CAMK2B: variants seen among roughly 807,000 people sequenced by gnomAD.
CAMK2B encodes calcium/calmodulin-dependent protein kinase type II subunit beta.
Under a neutral mutation model 93.7 loss-of-function variants are expected in CAMK2B, and 27 were observed. The observed-to-expected ratio is 0.29, with a 90% CI of 0.21 to 0.40. The LOEUF (loss-of-function observed/expected upper bound fraction) is 0.40, where lower values mean the gene tolerates loss of function less well. Ranked by LOEUF, CAMK2B falls within the 10% of genes least tolerant of loss-of-function variation. The pLI, the probability that CAMK2B is intolerant of heterozygous loss-of-function variation, is 1.00. For synonymous variants in CAMK2B, 374 were observed against 358.8 expected (o/e 1.04, Z -0.48); for missense variants, 568 against 895.8 (o/e 0.63, Z 4.67).
chr7:44,285,169 C>T (rs781021961), intron 1 of CAMK2B, among the ~76,000 whole-genome samples: 2 of 152,222 alleles, frequency 1.3e-5, no homozygotes, highest in Non-Finnish European at 2.9e-5. Flanking sequence ...GGGCCGGTGC[C>T]CACCAGGAGG....
intron 1 of CAMK2B, among the ~76,000 whole-genome samples, chr7:44,298,235 A>T (rs62459120): frequency 0.018 from 2,759 of 152,290 alleles, 34 homozygotes; most frequent in Non-Finnish European, 0.027. Flanking sequence ...CCCAGAAATA[A>T]ATTCTCCCAT....
intron 13 of CAMK2B, among the ~76,000 whole-genome samples, chr7:44,239,103 G>A (rs2096652159): frequency 6.6e-6 from 1 of 152,224 alleles, no homozygotes. Context: ...CTGGGGGGAT[G>A]CTCAGGGCAG....
chr7:44,301,966 T>A (rs1790177342), intron 1 of CAMK2B, among the ~76,000 whole-genome samples: 1 of 152,174 alleles, frequency 6.6e-6, no homozygotes, highest in South Asian at 2.1e-4. Flanking sequence ...CAACAGCTAG[T>A]TCTTTGAGAA....
intron 2 of CAMK2B, among the ~76,000 whole-genome samples, chr7:44,276,030 C>T (rs921140057): frequency 1.3e-5 from 2 of 152,118 alleles, no homozygotes; most frequent in Non-Finnish European, 2.9e-5. Context: ...TAAAGCTGTT[C>T]CCTCAGGCTG....
At chr7:44,299,611 A>G (rs1273828206) in intron 1 of CAMK2B, among the ~76,000 whole-genome samples, 3 of 152,248 alleles carry the variant, frequency 2.0e-5, no homozygotes, top group African/African-American at 7.2e-5. Flanking sequence ...CAAAATACAT[A>G]TAAGTGAACT....
rs1785010910 is a variant in CAMK2B, at chr7:44,286,089, C to G, written c.66-1864G>C. Among the ~76,000 whole-genome samples the G allele has an allele frequency of 6.6e-6, 1 of 152,060 alleles. No individual in the cohort carries two copies. The highest frequency in any genetic ancestry group is 2.4e-5 in the African/African-American group (1 of 41,402). ...CTTTTTGCCTGGTCTGGCTTCAATC[C>G]TGGTTAGACGGGGTGACACAGCTCT... On this transcript the variant is annotated intron_variant, in intron 1 of 23. Coordinates refer to ENST00000395749, the MANE Select transcript of CAMK2B (RefSeq NM_001220.5). This position sits in a 1 kb window ranked among gnomAD's most constrained non-coding sequence, Gnocchi z 4.0.
chr7:44,250,913 C>T (rs1340494064), intron 5 of CAMK2B, among the ~76,000 whole-genome samples: 3 of 152,296 alleles, frequency 2.0e-5, no homozygotes, highest in Admixed American at 1.3e-4. Context: ...ACATGGACAC[C>T]CTTCAGTTTC....
chr7:44,324,060 C>T (rs1197999495), intron 1 of CAMK2B: 1 of 153,240 alleles, frequency 6.5e-6, no homozygotes, highest in Non-Finnish European at 1.5e-5. Context: ...GGGCTGGGCT[C>T]CACATCCCTA....
chr7:44,291,191 C>T (rs1242354121), intron 1 of CAMK2B, among the ~76,000 whole-genome samples: 1 of 152,196 alleles, frequency 6.6e-6, no homozygotes, highest in Admixed American at 6.5e-5. Context: ...CCTCCCCAGC[C>T]TCTCTGGCCC....
At position 44,229,411 on chromosome 7, in the gene CAMK2B, G is replaced by A. The variant is rs754175758; in HGVS notation, c.1316C>T (p.Pro439Leu). 1.3e-6 allele frequency: 2 copies of A among 1,508,372 alleles called. No homozygotes were observed. Among genetic ancestry groups the A allele is most frequent in the South Asian group, 2.5e-5 (2 of 78,560 alleles). 93.4% of individuals were successfully genotyped at this position (1,508,372 alleles called of 1,614,324 possible). Reference sequence around the variant, plus strand: ...ACATGGGGCTGGCAGGGGGCTAAAGGGAGCCGGAGATGGGCAGGGCAGGGG... The same window carrying A: ...ACATGGGGCTGGCAGGGGGCTAAAGAGAGCCGGAGATGGGCAGGGCAGGGG... ...EGPLPCPSPA[P>L]FSPLPAPSPR... The change falls in exon 18 of 24, where the codon CCC (proline) becomes CTC (leucine). Residue 439 changes from proline (P) to leucine (L), a missense_variant. Pro to Leu is a moderately conservative substitution (Grantham distance 98). Transcript: ENST00000395749.
intron 8 of CAMK2B, 45 bp from the exon 9 acceptor site, chr7:44,242,699 AC>A: frequency 7.2e-7 from 1 of 1,381,014 alleles, no homozygotes; most frequent in South Asian, 1.2e-5. Flanking sequence ...GCAGGGTGCC[AC>A]CGTCCATGAA....
At position 44,228,353 on chromosome 7, in the gene CAMK2B, G is replaced by A. The variant is rs114314375; in HGVS notation, c.1468+443C>T. 3.2e-3 allele frequency among the ~76,000 whole-genome samples: 485 copies of A among 152,240 alleles called. 2 individuals are homozygous for A. Among genetic ancestry groups the A allele is most frequent in the African/African-American group, 0.011 (445 of 41,520 alleles). On this transcript the variant is annotated intron_variant, in intron 19 of 23. Coordinates refer to ENST00000395749, the MANE Select transcript of CAMK2B (RefSeq NM_001220.5). ...CTAGACTGAGGGAGGGTGCTCAGGGGTTGGGGCCACATCAGGAACCAGGGT... is the reference window on the plus strand; with the variant it reads ...CTAGACTGAGGGAGGGTGCTCAGGGATTGGGGCCACATCAGGAACCAGGGT...
chr7:44,287,361 C>A (rs974114051), intron 1 of CAMK2B, among the ~76,000 whole-genome samples: 1 of 152,154 alleles, frequency 6.6e-6, no homozygotes, highest in African/African-American at 2.4e-5. Flanking sequence ...TAAAGAGCAC[C>A]CTGAAAGGTG....
chr7:44,269,308 C>T (rs1248417292), intron 2 of CAMK2B, among the ~76,000 whole-genome samples: 1 of 152,218 alleles, frequency 6.6e-6, no homozygotes, highest in East Asian at 1.9e-4. Context: ...GTGGACAGCA[C>T]CCAGAGGCCA....
rs1163572646 is a variant in CAMK2B, at chr7:44,220,827, C to T, written c.1672G>A (p.Ala558Thr). ...CCCCCCCCAGCCCCAGGGACTCACGCGTAGGCCTCAAAGTCACCGTTGTTG... is the reference window on the plus strand; with the variant it reads ...CCCCCCCCAGCCCCAGGGACTCACGTGTAGGCCTCAAAGTCACCGTTGTTG... ...AVNNGDFEAY[A>T]KICDPGLTSF... Residue 558 changes from alanine to threonine, a missense_variant and splice_region_variant, in exon 21 of 24, where the codon GCG becomes ACG. Ala to Thr is a moderately conservative substitution (Grantham distance 58). This residue lies in a region of CAMK2B where 116 missense variants were observed against 188.0 expected (regional missense o/e 0.62). Transcript: ENST00000395749. The T allele has an allele frequency of 3.2e-6, 5 of 1,566,536 alleles. No homozygotes were observed. Among genetic ancestry groups the T allele is most frequent in the Admixed American group, 1.9e-5 (1 of 53,204 alleles).
chr7:44,254,418 G>T (rs1420772626), intron 5 of CAMK2B, 124 bp downstream of exon 5: 11 of 733,898 alleles, frequency 1.5e-5, no homozygotes, highest in Admixed American at 1.5e-4. Flanking sequence ...TCGCTCTGGG[G>T]TGTGGGTGAG....
At chr7:44,323,186 C>T (rs754379419) in intron 1 of CAMK2B, among the ~76,000 whole-genome samples, 4 of 152,248 alleles carry the variant, frequency 2.6e-5, no homozygotes, top group Non-Finnish European at 5.9e-5. Context: ...TCGCCAGGGA[C>T]CCGGCGCCTA....
At chr7:44,241,262 T>C (rs1461205953) in intron 11 of CAMK2B, among the ~76,000 whole-genome samples, 2 of 152,190 alleles carry the variant, frequency 1.3e-5, no homozygotes, top group African/African-American at 4.8e-5. Context: ...GATACCCTAC[T>C]GGGACCCACC....
chr7:44,220,738 G>T, intron 21 of CAMK2B, 28 bp from the exon 22 acceptor site: 1 of 1,593,926 alleles, frequency 6.3e-7, no homozygotes, highest in Non-Finnish European at 8.6e-7. Context: ...GTGAGGAGGG[G>T]CCCCGTGGAC....
Sources: gnomAD v4.1 joint callset for allele counts (sites outside exome capture counted in the v4.1 genomes callset) on GRCh38, gnomAD v4.1.1 for gene constraint, gnomAD v4.1.1 regional missense constraint, Gnocchi (gnomAD v3.1) non-coding constraint, MANE v1.5 for transcripts, NCBI Gene and HGNC (gene_info 2026-07-23, HGNC 2026-07-21) for gene names.